The following G3BP1 variants were observed in gnomAD, a reference collection of about 807,000 sequenced individuals.
The protein encoded by G3BP1 is ras GTPase-activating protein-binding protein 1.
G3BP1 carries 35 observed loss-of-function variants against 58.6 expected under a neutral mutation model. That is an observed-to-expected ratio of 0.60 (90% CI 0.46 to 0.79). G3BP1 has a LOEUF of 0.79. Ranked by LOEUF, G3BP1 falls within the 30% of genes least tolerant of loss-of-function variation. The probability of loss-of-function intolerance (pLI) is 0.00; values close to 1 mark genes in which losing one functional copy is unlikely to be tolerated. For missense variants in G3BP1, 523 were observed against 580.8 expected (o/e 0.90, Z 1.02); for synonymous variants, 191 against 195.4 (o/e 0.98, Z 0.19).
At position 151,805,741 on chromosome 5, in the gene G3BP1, T is replaced by A. The variant is rs868447923; in HGVS notation, c.*1650T>A. ...CTTTTTTGTAGGGTTAAAGTAACTT[T>A]GGTAACCACTTTTGGCCCAGATCAC... On this transcript the variant is annotated 3_prime_UTR_variant, in exon 12 of 12. Coordinates refer to ENST00000356245, the MANE Select transcript of G3BP1 (RefSeq NM_005754.3). 7.6e-4 allele frequency: 116 copies of A among 152,334 alleles called. No homozygotes were observed. The highest frequency in any genetic ancestry group is 2.5e-3 in the African/African-American group (103 of 41,572). The allele number at this position is 152,334 out of a possible 1,614,324, so 9.4% of individuals were successfully genotyped here. A position where few individuals can be genotyped will look rare whatever the true frequency, so the allele number is the denominator to read the frequency against.
intron 1 of G3BP1, among the ~76,000 whole-genome samples, chr5:151,782,531 A>G (rs553068416): frequency 3.9e-5 from 6 of 152,166 alleles, no homozygotes; most frequent in Non-Finnish European, 5.9e-5. Flanking sequence ...CATTCTTAAG[A>G]ATATTATTTA....
At chr5:151,792,575 C>A (rs1456927243) in intron 4 of G3BP1, among the ~76,000 whole-genome samples, 2 of 152,110 alleles carry the variant, frequency 1.3e-5, no homozygotes, top group Non-Finnish European at 2.9e-5. Context: ...TCATTTAATA[C>A]AGAGAGTATT....
At chr5:151,788,568 T>TTA (rs1260561752) in intron 2 of G3BP1, among the ~76,000 whole-genome samples, 2 of 67,442 alleles carry the variant, frequency 3.0e-5, no homozygotes, top group Admixed American at 1.8e-4. Context: ...CCAGCTAAGT[T>TTA]TATATGTGTG....
chr5:151,812,464 G>C lies in G3BP1; in HGVS notation c.*8373G>C, dbSNP rs1027202765. ...CTCTTCTGCCTAAACATCGAACTAG[G>C]GAACTTTAAAGACAAAGGGTGCATC... On this transcript the variant is annotated 3_prime_UTR_variant, in exon 12 of 12. Transcript: ENST00000356245. 1 of 152,140 alleles carries C rather than the reference G, an allele frequency of 6.6e-6. No individual in the cohort carries two copies. Among genetic ancestry groups the C allele is most frequent in the Admixed American group, 6.5e-5 (1 of 15,272 alleles). 9.4% of individuals were successfully genotyped at this position (152,140 alleles called of 1,614,324 possible). A position where few individuals can be genotyped will look rare whatever the true frequency, so the allele number is the denominator to read the frequency against.
chr5:151,781,755 ATTTTC>A (rs1223651826), intron 1 of G3BP1, among the ~76,000 whole-genome samples: 12 of 152,194 alleles, frequency 7.9e-5, no homozygotes, highest in Admixed American at 7.9e-4. Flanking sequence ...TGATTTTCTT[ATTTTC>A]TTTAGCTTTA....
chr5:151,795,294 A>C (rs1762730684), intron 5 of G3BP1, among the ~76,000 whole-genome samples, 185 bp from the exon 6 acceptor site: 1 of 152,182 alleles, frequency 6.6e-6, no homozygotes, highest in South Asian at 2.1e-4. Context: ...CAAAAAACAA[A>C]AAAAAGTCTG....
Position 151,806,920 on chromosome 5 carries a change from C to A in G3BP1, c.*2829C>A, listed in dbSNP as rs1468167794. ...GAACTACAGGTGTGCACCATTGCAC[C>A]TGGCCTCATGAGTATTTTAGTTAGA... is the stretch of plus-strand genomic sequence containing the variant. On this transcript the variant is annotated 3_prime_UTR_variant, in exon 12 of 12. Coordinates refer to ENST00000356245, the MANE Select transcript of G3BP1 (RefSeq NM_005754.3). The A allele has an allele frequency of 6.6e-6, 1 of 152,166 alleles. No individual in the cohort carries two copies. Among genetic ancestry groups the A allele is most frequent in the Admixed American group, 6.5e-5 (1 of 15,274 alleles). 9.4% of individuals were successfully genotyped at this position (152,166 alleles called of 1,614,324 possible). A position where few individuals can be genotyped will look rare whatever the true frequency, so the allele number is the denominator to read the frequency against.
At chr5:151,802,669 C>CA (rs1327234398) in intron 11 of G3BP1, among the ~76,000 whole-genome samples, 1 of 152,020 alleles carries the variant, frequency 6.6e-6, no homozygotes, top group Non-Finnish European at 1.5e-5. Flanking sequence ...CACAGTGGCT[C>CA]ACGCCTGTAA....
Position 151,800,782 on chromosome 5 carries a change from G to A in G3BP1, c.1107G>A (p.Leu369=), listed in dbSNP as rs1191974429. Residue 369 remains leucine (L), a synonymous_variant, in exon 11 of 12, where the codon TTG becomes TTA. Transcript: ENST00000356245. ...FFQSYGNVVE[L]RINSGGKLPN... is the part of the protein sequence containing the mutation. The stretch of plus-strand genomic sequence containing the variant: ...CAGGTTATGGAAACGTGGTGGAGTT[G>A]CGCATTAACAGTGGTGGGAAATTAC... 1 of 1,610,736 alleles carries A rather than the reference G, an allele frequency of 6.2e-7. No individual in the cohort carries two copies. The highest frequency in any genetic ancestry group is 8.5e-7 in the Non-Finnish European group (1 of 1,177,046).
At chr5:151,788,573 T>TGTGTGC (rs1762593525) in intron 2 of G3BP1, among the ~76,000 whole-genome samples, 2 of 13,464 alleles carry the variant, frequency 1.5e-4, no homozygotes, top group South Asian at 1.6e-3. Flanking sequence ...TAAGTTTATA[T>TGTGTGC]GTGTGTGTGT....
intron 2 of G3BP1, chr5:151,787,837 CAATT>C: frequency 1.3e-5 from 1 of 78,522 alleles, no homozygotes; most frequent in Non-Finnish European, 2.6e-5. Context: ...TGAATATTTT[CAATT>C]CATAAAATAA....
chr5:151,800,935 T>C (rs1375022071), intron 11 of G3BP1, 66 bp downstream of exon 11: 3 of 767,656 alleles, frequency 3.9e-6, no homozygotes, highest in Middle Eastern at 2.4e-4. Flanking sequence ...CTTTAGAATA[T>C]ATCTTTACAG....
chr5:151,787,731 A>G, intron 2 of G3BP1: 1 of 262,880 alleles, frequency 3.8e-6, no homozygotes, highest in Non-Finnish European at 7.9e-6. Context: ...TATTTGCTGG[A>G]CCAGAACTAT....
At chr5:151,780,523 C>T (rs998955604) in intron 1 of G3BP1, among the ~76,000 whole-genome samples, 1 of 152,112 alleles carries the variant, frequency 6.6e-6, no homozygotes, top group African/African-American at 2.4e-5. Flanking sequence ...CCCCCTCCGC[C>T]GCTAGCTGAT....
At chr5:151,795,375 TTA>T (rs1362470153) in intron 5 of G3BP1, 102 bp from the exon 6 acceptor site, 6 of 661,384 alleles carry the variant, frequency 9.1e-6, no homozygotes, top group East Asian at 5.3e-5. Context: ...CTTTGTTTAT[TTA>T]TATATGTTTT....
chr5:151,796,951 G>C (rs138954158), intron 6 of G3BP1, among the ~76,000 whole-genome samples: 11 of 128,684 alleles, frequency 8.5e-5, no homozygotes, highest in African/African-American at 3.3e-4. Context: ...AATTGTAATA[G>C]TTGTGGGATT....
rs1417653592 is a variant in G3BP1 at position 151,806,171 on chromosome 5, G to C, written c.*2080G>C. The C allele has an allele frequency of 6.6e-6, 1 of 152,172 alleles. No homozygotes were observed. Among genetic ancestry groups the C allele is most frequent in the Non-Finnish European group, 1.5e-5 (1 of 68,020 alleles). The allele number at this position is 152,172 out of a possible 1,614,324, so 9.4% of individuals were successfully genotyped here. A position where few individuals can be genotyped will look rare whatever the true frequency, so the allele number is the denominator to read the frequency against. On this transcript the variant is annotated 3_prime_UTR_variant, in exon 12 of 12. Transcript: ENST00000356245. The stretch of plus-strand genomic sequence containing the variant: ...GAGAACACTGATAGTCCCTATTCCT[G>C]TGGGTGGGTGGAGCTGTGGGATTAG...
intron 7 of G3BP1, 80 bp from the exon 8 acceptor site, chr5:151,799,132 T>C (rs1049719127): frequency 1.6e-5 from 12 of 763,692 alleles, no homozygotes; most frequent in South Asian, 1.1e-4. Flanking sequence ...GTTTGTTCTG[T>C]ACAGGAAATC....
chr5:151,777,879 A>G (rs1762400188), intron 1 of G3BP1, among the ~76,000 whole-genome samples: 1 of 152,054 alleles, frequency 6.6e-6, no homozygotes, highest in Non-Finnish European at 1.5e-5. Flanking sequence ...TTATCACTGT[A>G]GATTACTTTG....
Sources: gnomAD v4.1 joint callset for allele counts (sites outside exome capture counted in the v4.1 genomes callset) on GRCh38, gnomAD v4.1.1 for gene constraint, MANE v1.5 for transcripts, NCBI Gene and HGNC (gene_info 2026-07-23, HGNC 2026-07-21) for gene names.